The following PTPN4 variants were observed in gnomAD, a reference collection of about 807,000 sequenced individuals.
The protein encoded by PTPN4 is protein tyrosine phosphatase non-receptor type 4.
A neutral mutation model predicts 135.5 loss-of-function variants in PTPN4; 49 were observed. The ratio of observed to expected loss-of-function variants is 0.36; its 90% CI spans 0.29 to 0.46. The LOEUF is 0.46. Among genes scored for constraint, PTPN4 ranks in the 20% least tolerant of loss-of-function variants. PTPN4 has a pLI of 1.00. For synonymous variants in PTPN4, 333 were observed against 369.9 expected (o/e 0.90, Z 1.14); for missense variants, 860 against 1,101.0 (o/e 0.78, Z 3.10).
chr2:119,838,012 G>A (rs1366321012), intron 2 of PTPN4, among the ~76,000 whole-genome samples: 3 of 152,244 alleles, frequency 2.0e-5, no homozygotes, highest in Non-Finnish European at 4.4e-5. Context: ...GGCCGGTAGC[G>A]CGAGCCAAGC....
At chr2:119,762,326 A>G (rs1204424261) in intron 1 of PTPN4, among the ~76,000 whole-genome samples, 1 of 152,002 alleles carries the variant, frequency 6.6e-6, no homozygotes, top group Non-Finnish European at 1.5e-5. Context: ...TGAGATGGTA[A>G]TAAAAACTTT....
At chr2:119,818,426 C>G (rs913950159) in intron 2 of PTPN4, among the ~76,000 whole-genome samples, 24 of 152,192 alleles carry the variant, frequency 1.6e-4, no homozygotes, top group Admixed American at 3.9e-4. Context: ...TATTGCATGG[C>G]CTATAGCTAA....
At chr2:119,819,561 T>C (rs1378990737) in intron 2 of PTPN4, among the ~76,000 whole-genome samples, 6 of 152,216 alleles carry the variant, frequency 3.9e-5, no homozygotes, top group Admixed American at 2.0e-4. Context: ...ATATTCATCT[T>C]ATAAAATCGA....
intron 1 of PTPN4, among the ~76,000 whole-genome samples, chr2:119,773,628 C>G (rs528177528): frequency 1.3e-5 from 2 of 151,090 alleles, no homozygotes; most frequent in Non-Finnish European, 2.9e-5. Context: ...CCTAACTACT[C>G]AGGAGACTGA....
chr2:119,951,600 G>A (rs1329356072), intron 18 of PTPN4, among the ~76,000 whole-genome samples: 1 of 152,148 alleles, frequency 6.6e-6, no homozygotes, highest in Admixed American at 6.6e-5. Flanking sequence ...ATGCACTGTG[G>A]TAACTAAAGT....
At chr2:119,795,509 T>G (rs1055657537) in intron 1 of PTPN4, among the ~76,000 whole-genome samples, 1 of 152,240 alleles carries the variant, frequency 6.6e-6, no homozygotes, top group African/African-American at 2.4e-5. Flanking sequence ...TCAGTACTGC[T>G]TCTGGTGTGT....
intron 24 of PTPN4, among the ~76,000 whole-genome samples, chr2:119,964,976 G>A (rs556768125): frequency 1.3e-5 from 2 of 152,322 alleles, no homozygotes; most frequent in South Asian, 4.2e-4. Flanking sequence ...ACCGAGCAAG[G>A]AGATGGGAGG....
At chr2:119,886,242 C>A (rs541689341) in intron 9 of PTPN4, among the ~76,000 whole-genome samples, 3 of 152,208 alleles carry the variant, frequency 2.0e-5, no homozygotes, top group African/African-American at 7.2e-5. Flanking sequence ...ATCACTGAGG[C>A]CTGTATTAGT....
chr2:119,878,959 G>A (rs535215740), intron 5 of PTPN4, among the ~76,000 whole-genome samples: 1 of 151,960 alleles, frequency 6.6e-6, no homozygotes, highest in South Asian at 2.1e-4. Context: ...CGGGTGTGGT[G>A]GCAGGCGCCT....
chr2:119,971,382 T>C (rs1479785625), intron 26 of PTPN4, among the ~76,000 whole-genome samples: 1 of 152,196 alleles, frequency 6.6e-6, no homozygotes, highest in African/African-American at 2.4e-5. Flanking sequence ...AATTACTATT[T>C]GACATGAGAT....
intron 2 of PTPN4, among the ~76,000 whole-genome samples, chr2:119,812,025 CA>C (rs1676890969): frequency 6.6e-6 from 1 of 152,006 alleles, no homozygotes; most frequent in Non-Finnish European, 1.5e-5. Context: ...CTCAGGTCAT[CA>C]AAAAACTTAA....
intron 12 of PTPN4, among the ~76,000 whole-genome samples, chr2:119,921,187 T>C (rs905758660): frequency 6.6e-6 from 1 of 152,090 alleles, no homozygotes; most frequent in African/African-American, 2.4e-5. Context: ...CTTGGGAGGC[T>C]GAGGCACGAG....
chr2:119,950,896 C>G (rs1048397440), intron 18 of PTPN4, among the ~76,000 whole-genome samples: 1 of 152,046 alleles, frequency 6.6e-6, no homozygotes, highest in African/African-American at 2.4e-5. Flanking sequence ...TATGGTTGTT[C>G]CCATGACCTT....
intron 2 of PTPN4, among the ~76,000 whole-genome samples, chr2:119,842,142 G>T (rs1677391059): frequency 6.6e-6 from 1 of 152,160 alleles, no homozygotes; most frequent in Non-Finnish European, 1.5e-5. Context: ...GATAAGGAAG[G>T]CTCCCTCAGG....
intron 2 of PTPN4, among the ~76,000 whole-genome samples, chr2:119,851,415 G>A (rs1677589137): frequency 6.6e-6 from 1 of 152,116 alleles, no homozygotes; most frequent in African/African-American, 2.4e-5. Context: ...GACCCAAGTG[G>A]GCACCAAGAA....
chr2:119,868,071 A>G (rs1299500282), intron 3 of PTPN4, among the ~76,000 whole-genome samples: 1 of 152,198 alleles, frequency 6.6e-6, no homozygotes, highest in Non-Finnish European at 1.5e-5. Flanking sequence ...CCCTAAATCA[A>G]TGTAACTGAG....
chr2:119,771,726 A>G (rs994205016), intron 1 of PTPN4: 1 of 152,184 alleles, frequency 6.6e-6, no homozygotes, highest in Non-Finnish European at 1.5e-5. Context: ...TCACAGCCCT[A>G]TCAGCCCTTG....
chr2:119,790,995 A>G (rs1007361395), intron 1 of PTPN4, among the ~76,000 whole-genome samples: 1 of 152,160 alleles, frequency 6.6e-6, no homozygotes, highest in South Asian at 2.1e-4. Flanking sequence ...CACAAATTGC[A>G]TCTTTATACA....
chr2:119,907,922 C>A (rs1678513130), intron 10 of PTPN4, among the ~76,000 whole-genome samples: 1 of 151,882 alleles, frequency 6.6e-6, no homozygotes, highest in Non-Finnish European at 1.5e-5. Context: ...GGAACCAGAC[C>A]CTTATCTCAG....
Sources: allele counts gnomAD v4.1 joint callset (sites outside exome capture counted in the v4.1 genomes callset), GRCh38; gene constraint gnomAD v4.1.1; transcripts MANE v1.5; gene names NCBI Gene and HGNC (gene_info 2026-07-23, HGNC 2026-07-21).